Variants in RASGEF1C observed in about 807,000 individuals in gnomAD.
RASGEF1C encodes the protein RasGEF domain family member 1C, also known as ras-GEF domain-containing family member 1C.
RASGEF1C carries 27 observed loss-of-function variants against 58.1 expected under a neutral mutation model. That is an observed-to-expected ratio of 0.46 (90% CI 0.34 to 0.64). RASGEF1C has a LOEUF of 0.64. Among genes scored for constraint, RASGEF1C ranks in the 30% least tolerant of loss-of-function variants. The pLI is 0.01. For synonymous variants in RASGEF1C, 243 were observed against 246.3 expected, an observed-to-expected ratio of 0.99 and a Z score of 0.13; for missense variants, 502 against 605.1, an observed-to-expected ratio of 0.83 and a Z score of 1.79.
At chr5:180,149,745 C>T (rs1230307362) in intron 1 of RASGEF1C, among the ~76,000 whole-genome samples, 17 of 152,292 alleles carry the variant, frequency 1.1e-4, no homozygotes, top group African/African-American at 2.9e-4. Context: ...TGAGCCACTG[C>T]GCCCAGCCGA....
chr5:180,111,314 C>A, intron 12 of RASGEF1C, 143 bp downstream of exon 12: 2 of 1,075,116 alleles, frequency 1.9e-6, no homozygotes, highest in Non-Finnish European at 2.7e-6. Flanking sequence ...GGGGATGGAG[C>A]CCTCCTTGTT....
At chr5:180,185,021 G>A (rs536178302) in intron 1 of RASGEF1C, among the ~76,000 whole-genome samples, 1 of 152,250 alleles carries the variant, frequency 6.6e-6, no homozygotes, top group South Asian at 2.1e-4. Context: ...GGCCAGGGGC[G>A]GTGGCTCACA....
Position 180,168,954 on chromosome 5 carries a change from AACCTACTTCCAGCTGGGTAGTAC to A in RASGEF1C, c.-6-30919_-6-30897del, listed in dbSNP as rs1417856533. Among the ~76,000 whole-genome samples the A allele has an allele frequency of 6.6e-6, 1 of 152,094 alleles. No homozygotes were observed. The highest frequency in any genetic ancestry group is 1.5e-5 in the Non-Finnish European group (1 of 68,036). ...TGGCTAGAGCGGGGGAAAAACGGCA[AACCTACTTCCAGCTGGGTAGTAC>A]TCCAAATGCCAGTTTTCAAAGCCCT... On this transcript the variant is annotated intron_variant, in intron 1 of 13. Coordinates refer to ENST00000361132, the MANE Select transcript of RASGEF1C (RefSeq NM_175062.4). This position sits in a 1 kb window ranked among gnomAD's most constrained non-coding sequence, Gnocchi z 6.0.
rs1767063079 is a variant in RASGEF1C at position 180,168,940 on chromosome 5, G to A, written c.-6-30882C>T. On this transcript the variant is annotated intron_variant, in intron 1 of 13. Transcript: ENST00000361132. This position sits in a 1 kb window ranked among gnomAD's most constrained non-coding sequence, Gnocchi z 6.0. ...CCTGAGTGCAGGCTTGGCTAGAGCG[G>A]GGGAAAAACGGCAAACCTACTTCCA... Among the ~76,000 whole-genome samples, 1 of 152,100 alleles carries A rather than the reference G, an allele frequency of 6.6e-6. No homozygotes were observed. Among genetic ancestry groups the A allele is most frequent in the African/African-American group, 2.4e-5 (1 of 41,420 alleles).
intron 1 of RASGEF1C, among the ~76,000 whole-genome samples, chr5:180,185,239 C>T (rs1024427293): frequency 4.7e-5 from 7 of 150,248 alleles, no homozygotes; most frequent in South Asian, 4.2e-4. Flanking sequence ...TTGCAGTGAG[C>T]GAGATCGCGC....
rs774668627 is a variant in RASGEF1C, at chr5:180,102,085, T to C, written c.1362A>G (p.Arg454=). ...ESPENQTEKE[R]WKALRSSILG... Reference sequence around the variant, plus strand: ...GGAAGACTCACCTTAGAGCTTTCCATCTTTCTTTTTCTGTTTGGTTCTCTG... The same window carrying C: ...GGAAGACTCACCTTAGAGCTTTCCACCTTTCTTTTTCTGTTTGGTTCTCTG... The change falls in exon 13 of 14, where the codon AGA becomes AGG. Residue 454 remains arginine (R), a synonymous_variant. Transcript: ENST00000361132. 1.9e-6 allele frequency: 3 copies of C among 1,600,492 alleles called. No individual in the cohort carries two copies. Among genetic ancestry groups the C allele is most frequent in the Non-Finnish European group, 8.6e-7 (1 of 1,167,514 alleles).
At chr5:180,175,139 T>C (rs1353629523) in intron 1 of RASGEF1C, among the ~76,000 whole-genome samples, 1 of 152,072 alleles carries the variant, frequency 6.6e-6, no homozygotes, top group Non-Finnish European at 1.5e-5. Context: ...CAGGAGCAGA[T>C]GGTGTGAGAA....
chr5:180,178,540 A>G (rs1475864139), intron 1 of RASGEF1C, among the ~76,000 whole-genome samples: 1 of 151,878 alleles, frequency 6.6e-6, no homozygotes, highest in East Asian at 1.9e-4. Context: ...TCAGCCCCCC[A>G]AAGTGCTGGG....
intron 1 of RASGEF1C, among the ~76,000 whole-genome samples, chr5:180,186,611 G>A (rs1487972268): frequency 6.6e-6 from 1 of 152,186 alleles, no homozygotes; most frequent in Non-Finnish European, 1.5e-5. Context: ...TAACCAAAGT[G>A]ATTTACAGAT....
Position 180,156,922 on chromosome 5 carries a change from C to T in RASGEF1C, c.-6-18864G>A, listed in dbSNP as rs1766859442. Among the ~76,000 whole-genome samples the T allele has an allele frequency of 6.6e-6, 1 of 152,202 alleles. No individual in the cohort carries two copies. The highest frequency in any genetic ancestry group is 2.4e-5 in the African/African-American group (1 of 41,456). On this transcript the variant is annotated intron_variant, in intron 1 of 13. Coordinates refer to ENST00000361132, the MANE Select transcript of RASGEF1C (RefSeq NM_175062.4). The surrounding 1 kb of genome is among the most constrained non-coding windows in gnomAD (Gnocchi z 4.9). ...CGGAAAATAAGCATTTACAAAGGTGCTTCACATCATATGTCATCAGGGAAA... is the reference window on the plus strand; with the variant it reads ...CGGAAAATAAGCATTTACAAAGGTGTTTCACATCATATGTCATCAGGGAAA...
chr5:180,113,493 A>G (rs1766004930), intron 11 of RASGEF1C, among the ~76,000 whole-genome samples: 1 of 61,786 alleles, frequency 1.6e-5, no homozygotes, highest in African/African-American at 6.0e-5. Context: ...GGACGGAGGG[A>G]CCGGGGATGG....
chr5:180,116,158 A>G (rs952743161), intron 10 of RASGEF1C, among the ~76,000 whole-genome samples: 4 of 152,040 alleles, frequency 2.6e-5, no homozygotes, highest in East Asian at 1.9e-4. Flanking sequence ...GCCACCCCCC[A>G]TGTCTGACCT....
Position 180,143,165 on chromosome 5 carries a change from G to T in RASGEF1C, c.-6-5107C>A, listed in dbSNP as rs536735693. 6.6e-6 allele frequency among the ~76,000 whole-genome samples: 1 copy of T among 151,516 alleles called. No individual in the cohort carries two copies. The highest frequency in any genetic ancestry group is 1.9e-4 in the East Asian group (1 of 5,146). ...GGTCTGCAGAGAGACAGGCAGACAG[G>T]GGACAGGATCCCACGTGCCACCCTG... On this transcript the variant is annotated intron_variant, in intron 1 of 13. Transcript: ENST00000361132. The surrounding 1 kb of genome is among the most constrained non-coding windows in gnomAD (Gnocchi z 4.3).
Position 180,101,429 on chromosome 5 carries a change from T to G in RASGEF1C, c.*72A>C. On this transcript the variant is annotated 3_prime_UTR_variant, in exon 14 of 14. Coordinates refer to ENST00000361132, the MANE Select transcript of RASGEF1C (RefSeq NM_175062.4). ...GAGGCACTCCCTGGCCTCTGCCCAC[T>G]GGGCCACTGAGGCAGGGCTGTGGAC... The G allele has an allele frequency of 6.3e-7, 1 of 1,577,186 alleles. No homozygotes were observed. Among genetic ancestry groups the G allele is most frequent in the Non-Finnish European group, 8.6e-7 (1 of 1,159,254 alleles).
intron 1 of RASGEF1C, among the ~76,000 whole-genome samples, chr5:180,152,518 A>T (rs536606618): frequency 6.3e-4 from 87 of 138,168 alleles, no homozygotes; most frequent in African/African-American, 2.2e-3. Flanking sequence ...AACAATGAGA[A>T]CACATGGACA....
intron 6 of RASGEF1C, among the ~76,000 whole-genome samples, chr5:180,121,987 C>A (rs926717416): frequency 1.3e-5 from 2 of 152,156 alleles, no homozygotes; most frequent in Non-Finnish European, 2.9e-5. Flanking sequence ...TATTCCCATG[C>A]GCACAAAGGC....
At chr5:180,169,661 G>A (rs1271728290) in intron 1 of RASGEF1C, among the ~76,000 whole-genome samples, 2 of 152,114 alleles carry the variant, frequency 1.3e-5, no homozygotes, top group African/African-American at 2.4e-5. Context: ...AGGATCATGA[G>A]CATGGAGAGG....
At chr5:180,154,500 T>A (rs1308903113) in intron 1 of RASGEF1C, among the ~76,000 whole-genome samples, 1 of 151,988 alleles carries the variant, frequency 6.6e-6, no homozygotes, top group Non-Finnish European at 1.5e-5. Flanking sequence ...ACTTTACAGT[T>A]GAATAAACCC....
chr5:180,193,932 G>A (rs1387711972), intron 1 of RASGEF1C, among the ~76,000 whole-genome samples: 2 of 152,116 alleles, frequency 1.3e-5, no homozygotes, highest in Non-Finnish European at 2.9e-5. Context: ...AAGGAAGACC[G>A]GCCGGGCATT....
Sources: gnomAD v4.1 joint callset for allele counts (sites outside exome capture counted in the v4.1 genomes callset) on GRCh38, gnomAD v4.1.1 for gene constraint, Gnocchi (gnomAD v3.1) non-coding constraint, MANE v1.5 for transcripts, NCBI Gene and HGNC (gene_info 2026-07-23, HGNC 2026-07-21) for gene names.